The following PAK1 variants were observed in gnomAD, a reference collection of about 807,000 sequenced individuals.
The protein encoded by PAK1 is p21 (RAC1) activated kinase 1.
Under a neutral mutation model 67.4 loss-of-function variants are expected in PAK1, and 29 were observed. That is an observed-to-expected ratio of 0.43 (90% CI 0.32 to 0.59). The LOEUF is 0.59. Among genes scored for constraint, PAK1 ranks in the 20% least tolerant of loss-of-function variants. The probability of loss-of-function intolerance (pLI) is 0.07; values close to 1 mark genes in which losing one functional copy is unlikely to be tolerated. For missense variants in PAK1, 337 were observed against 670.7 expected (o/e 0.50, Z 5.50); for synonymous variants, 223 against 237.4 (o/e 0.94, Z 0.56).
intron 1 of PAK1, among the ~76,000 whole-genome samples, chr11:77,444,761 T>C (rs1956519079): frequency 6.6e-6 from 1 of 152,096 alleles, no homozygotes; most frequent in South Asian, 2.1e-4. Flanking sequence ...AAAACTGAAG[T>C]TGTCTTTTTC....
chr11:77,392,248 A>G, intron 2 of PAK1, 83 bp downstream of exon 2: 2 of 981,354 alleles, frequency 2.0e-6, no homozygotes, highest in Non-Finnish European at 2.9e-6. Flanking sequence ...AATTAAGTCA[A>G]AGACAACAGA....
chr11:77,339,773 C>G (rs539829095), intron 11 of PAK1, among the ~76,000 whole-genome samples: 2 of 152,130 alleles, frequency 1.3e-5, no homozygotes, highest in Non-Finnish European at 2.9e-5. Flanking sequence ...TATGCTTCCC[C>G]TAATTTCCTA....
At chr11:77,349,382 T>A (rs1014307193) in intron 8 of PAK1, 95 bp from the exon 9 acceptor site, 16 of 927,712 alleles carry the variant, frequency 1.7e-5, no homozygotes, top group Non-Finnish European at 2.8e-5. Flanking sequence ...TCTGTGAGTG[T>A]CAAAAACAAG....
At chr11:77,390,105 G>C (rs1415611299) in intron 2 of PAK1, among the ~76,000 whole-genome samples, 1 of 152,246 alleles carries the variant, frequency 6.6e-6, no homozygotes, top group Non-Finnish European at 1.5e-5. Flanking sequence ...CACTGTCTCA[G>C]ATCATAGCCC....
rs1322570577 is a variant in PAK1, at chr11:77,429,081, AAAAAAAAAAAAAAC to A, written c.-21-36554_-21-36541del. Among the ~76,000 whole-genome samples the A allele has an allele frequency of 2.9e-3, 319 of 110,836 alleles. 9 individuals are homozygous for A. Among genetic ancestry groups the A allele is most frequent in the African/African-American group, 0.013 (297 of 23,426 alleles). 72.7% of individuals were successfully genotyped at this position (110,836 alleles called of 152,430 possible). A position where few individuals can be genotyped will look rare whatever the true frequency, so the allele number is the denominator to read the frequency against. ...TAAAAAAAAAAAAAAAAAAAAAAAA[AAAAAAAAAAAAAAC>A]ACACACACACACATCAGGATTCCTT... On this transcript the variant is annotated intron_variant, in intron 1 of 14. Transcript: ENST00000356341.
At chr11:77,333,629 C>G (rs138475138) in intron 13 of PAK1, among the ~76,000 whole-genome samples, 47 of 152,268 alleles carry the variant, frequency 3.1e-4, no homozygotes, top group Non-Finnish European at 5.3e-4. Flanking sequence ...CTGATCTCTT[C>G]TAGCAGGAAA....
chr11:77,362,671 A>C (rs1565617227), intron 5 of PAK1, among the ~76,000 whole-genome samples: 1 of 152,216 alleles, frequency 6.6e-6, no homozygotes, highest in Non-Finnish European at 1.5e-5. Context: ...AAATGAGATA[A>C]AGCTATGTAA....
intron 9 of PAK1, among the ~76,000 whole-genome samples, chr11:77,345,520 A>C (rs1463746137): frequency 2.6e-5 from 4 of 152,230 alleles, no homozygotes; most frequent in Non-Finnish European, 1.5e-5. Context: ...GAATGATTCA[A>C]ACTTTTATGT....
At chr11:77,331,153 G>A (rs994111719) in intron 14 of PAK1, among the ~76,000 whole-genome samples, 9 of 152,210 alleles carry the variant, frequency 5.9e-5, no homozygotes, top group African/African-American at 2.2e-4. Context: ...TGGAGAGGAT[G>A]TGGAGAAATA....
At chr11:77,445,671 C>T (rs923195374) in intron 1 of PAK1, among the ~76,000 whole-genome samples, 3 of 152,130 alleles carry the variant, frequency 2.0e-5, no homozygotes, top group African/African-American at 4.8e-5. Context: ...TGTTTCACAC[C>T]GGAGTGAGCT....
At chr11:77,507,608 G>A in the PAK1 span, among the ~76,000 whole-genome samples, 3 of 151,636 alleles carry the variant, frequency 2.0e-5, no homozygotes, top group African/African-American at 4.8e-5. Flanking sequence ...CTGCTAACTC[G>A]ACCTCCAGAC....
At chr11:77,329,770 G>A (rs553760195) in intron 14 of PAK1, among the ~76,000 whole-genome samples, 2,194 of 152,152 alleles carry the variant, frequency 0.014, 46 homozygotes, top group African/African-American at 0.05. Flanking sequence ...CATAGTGTTG[G>A]AAGTTCTGGC....
At chr11:77,324,577 T>C (rs1230366756) in intron 14 of PAK1, among the ~76,000 whole-genome samples, 1 of 152,162 alleles carries the variant, frequency 6.6e-6, no homozygotes, top group Non-Finnish European at 1.5e-5. Flanking sequence ...CTGTAGGATG[T>C]TCTTCTATTT....
At chr11:77,455,029 A>G (rs1362354611) in intron 1 of PAK1, among the ~76,000 whole-genome samples, 1 of 152,176 alleles carries the variant, frequency 6.6e-6, no homozygotes, top group African/African-American at 2.4e-5. Flanking sequence ...TGGTGAATAA[A>G]GAAGCTTATC....
At chr11:77,481,673 C>CAAAAAAAAAAAAAAAA in the PAK1 span, among the ~76,000 whole-genome samples, 1 of 94,434 alleles carries the variant, frequency 1.1e-5, no homozygotes, top group Admixed American at 1.1e-4. Flanking sequence ...GACTCCATCT[C>CAAAAAAAAAAAAAAAA]AAAAAAAAAA....
the PAK1 span, among the ~76,000 whole-genome samples, chr11:77,516,051 G>A: frequency 6.6e-6 from 1 of 152,176 alleles, no homozygotes; most frequent in Non-Finnish European, 1.5e-5. Flanking sequence ...TTCAGTCTGT[G>A]CCATTTGTTT....
the PAK1 span, among the ~76,000 whole-genome samples, chr11:77,524,700 G>T: frequency 1.3e-5 from 2 of 152,202 alleles, no homozygotes; most frequent in Admixed American, 6.5e-5. Flanking sequence ...GAAGATCAAT[G>T]GGTGCTTGTT....
chr11:77,459,178 C>G (rs1957209507), intron 1 of PAK1, among the ~76,000 whole-genome samples: 1 of 152,110 alleles, frequency 6.6e-6, no homozygotes, highest in Non-Finnish European at 1.5e-5. Flanking sequence ...ATTAAGTTCC[C>G]TGAATAACTA....
intron 6 of PAK1, 108 bp from the exon 7 acceptor site, chr11:77,355,950 T>C: frequency 1.5e-6 from 1 of 676,354 alleles, no homozygotes; most frequent in Non-Finnish European, 2.6e-6. Flanking sequence ...AATAAACTCA[T>C]CCTTTCTCTT....
Sources: allele counts gnomAD v4.1 joint callset (sites outside exome capture counted in the v4.1 genomes callset), GRCh38; gene constraint gnomAD v4.1.1; transcripts MANE v1.5; gene names NCBI Gene and HGNC (gene_info 2026-07-23, HGNC 2026-07-21).